DEDD2: variants seen among roughly 807,000 people sequenced by gnomAD.
DEDD2 encodes death effector domain containing 2.
A neutral mutation model predicts 28.9 loss-of-function variants in DEDD2; 18 were observed. The ratio of observed to expected loss-of-function variants is 0.62; its 90% CI spans 0.43 to 0.92. The LOEUF (loss-of-function observed/expected upper bound fraction) is 0.92. Among genes scored for constraint, DEDD2 ranks in the 40% least tolerant of loss-of-function variants. The pLI is 0.00. For missense variants in DEDD2, 411 were observed against 463.3 expected, an observed-to-expected ratio of 0.89 and a Z score of 1.04; for synonymous variants, 211 against 206.1, an observed-to-expected ratio of 1.02 and a Z score of -0.20.
Position 42,201,333 on chromosome 19 carries a change from C to A in DEDD2, c.590-1504G>T, listed in dbSNP as rs1294112968. Among the ~76,000 whole-genome samples, 3 of 152,228 alleles carry A rather than the reference C, an allele frequency of 2.0e-5. No individual in the cohort carries two copies. In the East Asian group the frequency reaches 5.8e-4, roughly 29 times the overall value. On this transcript the variant is annotated intron_variant, in intron 4 of 4. Coordinates refer to ENST00000596251, the MANE Select transcript of DEDD2 (RefSeq NM_133328.4). Reference sequence around the variant, plus strand: ...GTCACAACCTCTCTGAGCATGGGTTCCTGCCTAAACAAGGGGACAATTCCT... The same window carrying A: ...GTCACAACCTCTCTGAGCATGGGTTACTGCCTAAACAAGGGGACAATTCCT...
intron 4 of DEDD2, among the ~76,000 whole-genome samples, chr19:42,208,460 T>G (rs2035619620): frequency 6.6e-6 from 1 of 152,194 alleles, no homozygotes; most frequent in South Asian, 2.1e-4. Flanking sequence ...GAGCACCTAC[T>G]AGAAGCCCAG....
intron 4 of DEDD2, among the ~76,000 whole-genome samples, chr19:42,206,686 C>G (rs2035547988): frequency 6.6e-6 from 1 of 152,150 alleles, no homozygotes; most frequent in Admixed American, 6.6e-5. Context: ...CCTAGGACCA[C>G]CAAGGTGTCC....
chr19:42,207,424 A>C (rs151236443), intron 4 of DEDD2, among the ~76,000 whole-genome samples: 2 of 151,944 alleles, frequency 1.3e-5, no homozygotes, highest in Non-Finnish European at 2.9e-5. Flanking sequence ...ACCAGCTCCA[A>C]CTTGGTCTTC....
chr19:42,205,218 G>T (rs1171307345), intron 4 of DEDD2, among the ~76,000 whole-genome samples: 3 of 152,236 alleles, frequency 2.0e-5, no homozygotes, highest in Non-Finnish European at 4.4e-5. Flanking sequence ...GAGAAAGAGA[G>T]ATGGTAGGGG....
At chr19:42,213,027 TC>T (rs895643624) in intron 3 of DEDD2, among the ~76,000 whole-genome samples, 20 of 152,186 alleles carry the variant, frequency 1.3e-4, no homozygotes, top group African/African-American at 4.8e-4. Flanking sequence ...TACCACAGCT[TC>T]CTTGAAAAAC....
intron 3 of DEDD2, chr19:42,212,052 T>C (rs1386143895): frequency 1.4e-5 from 2 of 146,676 alleles, no homozygotes; most frequent in Non-Finnish European, 3.0e-5. Flanking sequence ...ATAATAATAA[T>C]AATAATAATA....
intron 3 of DEDD2, among the ~76,000 whole-genome samples, chr19:42,210,649 C>A (rs984823162): frequency 1.3e-5 from 2 of 152,134 alleles, no homozygotes; most frequent in South Asian, 2.1e-4. Context: ...CCGCCTCGGC[C>A]TCCCAAAGTG....
At chr19:42,217,101 C>G in intron 1 of DEDD2, 56 bp from the exon 2 acceptor site, 2 of 1,312,250 alleles carry the variant, frequency 1.5e-6, no homozygotes, top group South Asian at 2.5e-5. Context: ...GGCCCGAACC[C>G]CACACCGCCA....
rs763393943 is a variant in DEDD2 at position 42,216,954 on chromosome 19, C to T, written c.54G>A (p.Leu18=). ...PAPCWEEDEC[L]DYYGMLSLHR... The stretch of plus-strand genomic sequence containing the variant: ...GAAGCGACAGCATCCCGTAGTAGTC[C>T]AGGCACTCATCCTCCTCCCAGCACG... Residue 18 remains leucine (L), a synonymous_variant, in exon 2 of 5, where the codon CTG becomes CTA. Coordinates refer to ENST00000596251, the MANE Select transcript of DEDD2 (RefSeq NM_133328.4). 4.4e-6 allele frequency: 7 copies of T among 1,602,536 alleles called. No individual in the cohort carries two copies. Among genetic ancestry groups the T allele is most frequent in the South Asian group, 1.1e-5 (1 of 89,108 alleles).
At chr19:42,217,384 G>A (rs1161216357) in intron 1 of DEDD2, among the ~76,000 whole-genome samples, 1 of 151,716 alleles carries the variant, frequency 6.6e-6, no homozygotes, top group Non-Finnish European at 1.5e-5. Flanking sequence ...CTGCCCAGAC[G>A]AGCCCCTTTT....
At chr19:42,217,270 T>C (rs932041481) in intron 1 of DEDD2, among the ~76,000 whole-genome samples, 6 of 151,968 alleles carry the variant, frequency 3.9e-5, no homozygotes, top group African/African-American at 1.5e-4. Context: ...ACCACCGTGC[T>C]ACGTTCGGAG....
chr19:42,216,906 G>A lies in DEDD2; in HGVS notation c.102C>T (p.Gly34=). ...LSLHRMFEVV[G]GQLTECELEL... is the part of the protein sequence containing the mutation. ...CCAGCTCGCACTCGGTCAGTTGCCC[G>A]CCCACCACCTCGAACATACGGTGAA... The change falls in exon 2 of 5, where the codon GGC becomes GGT. Residue 34 remains glycine (G), a synonymous_variant. Transcript: ENST00000596251. The A allele has an allele frequency of 6.3e-7, 1 of 1,598,882 alleles. No individual in the cohort carries two copies. The highest frequency in any genetic ancestry group is 8.5e-7 in the Non-Finnish European group (1 of 1,173,328).
chr19:42,216,823 G>A lies in DEDD2; in HGVS notation c.185C>T (p.Ala62Val), dbSNP rs574149749. 2.5e-6 allele frequency: 4 copies of A among 1,583,606 alleles called. No homozygotes were observed. Among genetic ancestry groups the A allele is most frequent in the South Asian group, 1.1e-5 (1 of 87,710 alleles). The change falls in exon 2 of 5, where the codon GCC becomes GTC. Residue 62 changes from alanine (A) to valine (V), a missense_variant. Transcript: ENST00000596251. ...APGAAGGLAR[A>V]RSGLELLLEL... ...CAGCAGGAGCTCTAGGCCGCTGCGG[G>A]CCCGGGCTAAGCCTCCGGCGGCGCC...
In DEDD2 at chr19:42,216,682, G is replaced by C. The variant is rs2035982802; in HGVS notation, c.326C>G (p.Pro109Arg). Residue 109 changes from proline to arginine, a missense_variant and splice_region_variant, in exon 2 of 5, where the codon CCA (proline) becomes CGA (arginine). This residue lies in a region of DEDD2 where 282 missense variants were observed against 273.4 expected (regional missense o/e 1.03). Transcript: ENST00000596251. ...GACACCCTCCCATTCAACCGTACCT[G>C]GCCGGCGCCGCTTGCGCGCCAGGTG... ...LPHLARKRRR[P>R]VSPERYSYGT... 6.4e-7 allele frequency: 1 copy of C among 1,571,178 alleles called. No individual in the cohort carries two copies.
chr19:42,199,859 G>T lies in DEDD2; in HGVS notation c.590-30C>A. The T allele has an allele frequency of 6.4e-7, 1 of 1,558,484 alleles. No individual in the cohort carries two copies. On this transcript the variant is annotated intron_variant, in intron 4 of 4. Transcript: ENST00000596251. This position sits in a 1 kb window ranked among gnomAD's most constrained non-coding sequence, Gnocchi z 7.4. ...AGGGGAAGGAGGGATTTGTCAGGGA[G>T]GGGGCCAACACTAGACACACTTATG...
At position 42,217,049 on chromosome 19, in the gene DEDD2, G is replaced by C. The variant is rs375900943; in HGVS notation, c.-38-4C>G. ...CGGAACAAGCTCAGAACCCGGCCTA[G>C]AACCCACACAGCGGGGAGGGGGCAG... On this transcript the variant is annotated splice_polypyrimidine_tract_variant and splice_region_variant and intron_variant, in intron 1 of 4. Coordinates refer to ENST00000596251, the MANE Select transcript of DEDD2 (RefSeq NM_133328.4). 20 of 1,545,124 alleles carry C rather than the reference G, an allele frequency of 1.3e-5. No individual in the cohort carries two copies. Among genetic ancestry groups the C allele is most frequent in the Non-Finnish European group, 1.8e-5 (20 of 1,142,134 alleles).
At chr19:42,206,946 A>G (rs979196875) in intron 4 of DEDD2, among the ~76,000 whole-genome samples, 15 of 152,298 alleles carry the variant, frequency 9.8e-5, no homozygotes, top group Admixed American at 5.9e-4. Context: ...GTGAGTCAGC[A>G]GTCAGACCTG....
chr19:42,219,124 G>A (rs1273184772), upstream of DEDD2, among the ~76,000 whole-genome samples: 2 of 151,990 alleles, frequency 1.3e-5, no homozygotes, highest in African/African-American at 4.8e-5. Context: ...GACCAACATG[G>A]AGAAACCCCA....
intron 4 of DEDD2, among the ~76,000 whole-genome samples, chr19:42,204,838 C>CTTGGT (rs1201370291): frequency 6.6e-6 from 1 of 151,682 alleles, no homozygotes; most frequent in Non-Finnish European, 1.5e-5. Context: ...GCTTGCCTCC[C>CTTGGT]TCGTCTCTTC....
Sources: gnomAD v4.1 joint callset for allele counts (sites outside exome capture counted in the v4.1 genomes callset) on GRCh38, gnomAD v4.1.1 for gene constraint, gnomAD v4.1.1 regional missense constraint, Gnocchi (gnomAD v3.1) non-coding constraint, MANE v1.5 for transcripts, NCBI Gene and HGNC (gene_info 2026-07-23, HGNC 2026-07-21) for gene names.